NFIB: variants seen among roughly 807,000 people sequenced by gnomAD.
NFIB encodes nuclear factor I B.
NFIB carries 11 observed loss-of-function variants against 61.5 expected under a neutral mutation model. The observed-to-expected ratio is 0.18, with a 90% CI of 0.11 to 0.30. The LOEUF (loss-of-function observed/expected upper bound fraction) is 0.30. Among genes scored for constraint, NFIB ranks in the 10% least tolerant of loss-of-function variants. NFIB has a pLI of 1.00. For missense variants in NFIB, 471 were observed against 608.9 expected (o/e 0.77, Z 2.38); for synonymous variants, 260 against 216.5 (o/e 1.20, Z -1.76).
chr9:14,472,532 T>C, the NFIB span, among the ~76,000 whole-genome samples: 1 of 152,196 alleles, frequency 6.6e-6, no homozygotes, highest in South Asian at 2.1e-4. Context: ...AATTTCATTT[T>C]TCTAGTAATT....
chr9:14,136,157 TG>T (rs1305256040), intron 6 of NFIB, among the ~76,000 whole-genome samples: 1 of 152,192 alleles, frequency 6.6e-6, no homozygotes, highest in East Asian at 1.9e-4. Context: ...ACAGTGAATA[TG>T]GAATAAATGA....
At chr9:14,411,938 G>C in the NFIB span, among the ~76,000 whole-genome samples, 1 of 152,178 alleles carries the variant, frequency 6.6e-6, no homozygotes, top group Non-Finnish European at 1.5e-5. Flanking sequence ...AGCCCAAAGA[G>C]AGGCCTATGT....
intron 9 of NFIB, among the ~76,000 whole-genome samples, chr9:14,113,422 G>C (rs956784722): frequency 2.6e-5 from 4 of 152,154 alleles, no homozygotes; most frequent in Admixed American, 2.6e-4. Context: ...TTTTTCACCA[G>C]ATAGTAGTTG....
At chr9:14,440,041 C>T in the NFIB span, among the ~76,000 whole-genome samples, 3 of 152,152 alleles carry the variant, frequency 2.0e-5, no homozygotes, top group Non-Finnish European at 4.4e-5. Flanking sequence ...CTCTGTAGAA[C>T]GATCCAGGCA....
At chr9:14,090,393 A>G (rs1215770819) in intron 10 of NFIB, among the ~76,000 whole-genome samples, 1 of 152,132 alleles carries the variant, frequency 6.6e-6, no homozygotes, top group Non-Finnish European at 1.5e-5. Flanking sequence ...ATTGGGAACA[A>G]TGTTACATAA....
intron 3 of NFIB, among the ~76,000 whole-genome samples, chr9:14,169,544 G>T (rs2045327189): frequency 6.6e-6 from 1 of 152,128 alleles, no homozygotes; most frequent in Non-Finnish European, 1.5e-5. Flanking sequence ...GAGTCAGCTG[G>T]GTGTGGTGGT....
At chr9:14,527,177 T>C in the NFIB span, among the ~76,000 whole-genome samples, 1 of 152,060 alleles carries the variant, frequency 6.6e-6, no homozygotes, top group African/African-American at 2.4e-5. Context: ...CTAAAGAACA[T>C]AGGTAAGGAA....
chr9:14,384,628 G>C (rs146642771), intron 1 of NFIB, among the ~76,000 whole-genome samples: 3 of 152,274 alleles, frequency 2.0e-5, no homozygotes, highest in East Asian at 3.9e-4. Flanking sequence ...CCAAGGTCAG[G>C]TGTCATTAAT....
At position 14,146,825 on chromosome 9, in the gene NFIB, T is replaced by C. The variant is rs200866443; in HGVS notation, c.807-18A>G. The C allele has an allele frequency of 2.0e-5, 32 of 1,599,322 alleles. No homozygotes were observed. Among genetic ancestry groups the C allele is most frequent in the Non-Finnish European group, 2.7e-5 (32 of 1,176,252 alleles). On this transcript the variant is annotated intron_variant, in intron 5 of 10. Transcript: ENST00000380953. ...GTCTTTTGCTGTTAAAATATGGCAA[T>C]AGTTATATTAATGGGATTTCTGGGA...
the NFIB span, among the ~76,000 whole-genome samples, chr9:14,458,645 AG>A: frequency 6.6e-6 from 1 of 152,208 alleles, no homozygotes; most frequent in Non-Finnish European, 1.5e-5. Context: ...AATCTTCTTA[AG>A]CTGATAAGCA....
At chr9:14,121,135 G>C (rs1220687368) in intron 7 of NFIB, among the ~76,000 whole-genome samples, 1 of 152,082 alleles carries the variant, frequency 6.6e-6, no homozygotes, top group East Asian at 1.9e-4. Context: ...ATGGTGATGG[G>C]CACCTGTAAT....
intron 2 of NFIB, 40 bp downstream of exon 2, chr9:14,306,949 G>A (rs187588035): frequency 3.1e-5 from 49 of 1,602,086 alleles, no homozygotes; most frequent in Admixed American, 1.8e-4. Context: ...ATTTGTAGGC[G>A]GTGTTTGCCG....
chr9:14,180,833 T>C (rs1300253893), intron 2 of NFIB: 1 of 152,178 alleles, frequency 6.6e-6, no homozygotes, highest in Non-Finnish European at 1.5e-5. Flanking sequence ...GCCGGAGGAA[T>C]GGATGGCTCA....
At chr9:14,279,579 A>G (rs947656511) in intron 2 of NFIB, among the ~76,000 whole-genome samples, 1 of 152,244 alleles carries the variant, frequency 6.6e-6, no homozygotes, top group African/African-American at 2.4e-5. Flanking sequence ...ACAATAAAAC[A>G]TAAATCTAAT....
At chr9:14,111,019 A>G (rs558411077) in intron 10 of NFIB, among the ~76,000 whole-genome samples, 35 of 152,240 alleles carry the variant, frequency 2.3e-4, no homozygotes, top group Non-Finnish European at 3.7e-4. Context: ...CATGTATCCC[A>G]TAAGTATTAA....
chr9:14,192,320 C>T (rs535566051), intron 2 of NFIB, among the ~76,000 whole-genome samples: 28 of 152,282 alleles, frequency 1.8e-4, no homozygotes, highest in African/African-American at 6.3e-4. Context: ...TAACTCAACA[C>T]CAGTAAGAAA....
intron 8 of NFIB, among the ~76,000 whole-genome samples, chr9:14,116,923 T>G (rs1461957183): frequency 6.6e-6 from 1 of 152,236 alleles, no homozygotes; most frequent in Non-Finnish European, 1.5e-5. Flanking sequence ...CACACAGGTG[T>G]GCTGAGATGC....
At chr9:14,487,063 T>G in the NFIB span, among the ~76,000 whole-genome samples, 1 of 152,120 alleles carries the variant, frequency 6.6e-6, no homozygotes, top group Non-Finnish European at 1.5e-5. Context: ...ACATTTTACA[T>G]GTCTGGATAC....
At chr9:14,211,961 T>C (rs111991620) in intron 2 of NFIB, among the ~76,000 whole-genome samples, 4 of 152,340 alleles carry the variant, frequency 2.6e-5, no homozygotes, top group East Asian at 1.9e-4. Context: ...ATCAAAATAA[T>C]GTACCACTGG....
Sources: gnomAD v4.1 joint callset for allele counts (sites outside exome capture counted in the v4.1 genomes callset) on GRCh38, gnomAD v4.1.1 for gene constraint, MANE v1.5 for transcripts, NCBI Gene and HGNC (gene_info 2026-07-23, HGNC 2026-07-21) for gene names.